GRAMD1B: variants seen among roughly 807,000 people sequenced by gnomAD.
The protein encoded by GRAMD1B is GRAM domain containing 1B, also known as protein Aster-B.
In GRAMD1B, 37 loss-of-function variants were observed where a neutral mutation model predicts 99.7. The ratio of observed to expected loss-of-function variants is 0.37; its 90% CI spans 0.29 to 0.49. GRAMD1B has a LOEUF of 0.49. Among genes scored for constraint, GRAMD1B ranks in the 20% least tolerant of loss-of-function variants. GRAMD1B has a pLI of 0.98. For missense variants in GRAMD1B, 888 were observed against 1,009.2 expected, an observed-to-expected ratio of 0.88 and a Z score of 1.63; for synonymous variants, 427 against 387.6, an observed-to-expected ratio of 1.10 and a Z score of -1.19.
chr11:123,578,219 G>A (rs982527303), intron 3 of GRAMD1B, among the ~76,000 whole-genome samples: 1 of 152,132 alleles, frequency 6.6e-6, no homozygotes, highest in Non-Finnish European at 1.5e-5. Flanking sequence ...AGCAGGAGAT[G>A]TCTTTGCCCA....
At chr11:123,522,561 C>T (rs893333764) in intron 2 of GRAMD1B, among the ~76,000 whole-genome samples, 1 of 152,132 alleles carries the variant, frequency 6.6e-6, no homozygotes, top group African/African-American at 2.4e-5. Context: ...TCAGGTGATC[C>T]ACCCATCTCG....
chr11:123,594,974 A>G, intron 6 of GRAMD1B, 136 bp downstream of exon 6: 1 of 634,934 alleles, frequency 1.6e-6, no homozygotes, highest in South Asian at 1.9e-5. Flanking sequence ...CTGAGTCTTG[A>G]AAGATATTCA....
At chr11:123,601,015 A>G (rs1307746209) in intron 8 of GRAMD1B, among the ~76,000 whole-genome samples, 1 of 152,138 alleles carries the variant, frequency 6.6e-6, no homozygotes, top group African/African-American at 2.4e-5. Flanking sequence ...GCTAGTTTGA[A>G]TAATTTTGGC....
intron 17 of GRAMD1B, among the ~76,000 whole-genome samples, chr11:123,617,058 A>C (rs1954510470): frequency 6.6e-6 from 1 of 152,140 alleles, no homozygotes; most frequent in South Asian, 2.1e-4. Flanking sequence ...GATGACACAC[A>C]CGGTACCACT....
intron 4 of GRAMD1B, among the ~76,000 whole-genome samples, chr11:123,585,215 A>T (rs1351681353): frequency 6.6e-6 from 1 of 152,156 alleles, no homozygotes; most frequent in Admixed American, 6.5e-5. Context: ...ATGGGCATGG[A>T]GTAGCTGTGG....
intron 2 of GRAMD1B, among the ~76,000 whole-genome samples, chr11:123,513,597 C>CTTTCTTTCTTTCTTTCTTTCTTT (rs1941322558): frequency 2.2e-5 from 1 of 45,056 alleles, no homozygotes; most frequent in African/African-American, 7.8e-5. Flanking sequence ...TTCCTTCCTT[C>CTTTCTTTCTTTCTTTCTTTCTTT]CTTCCTTCCT....
At chr11:123,456,248 C>T (rs1224300121) in intron 1 of GRAMD1B, among the ~76,000 whole-genome samples, 1 of 152,156 alleles carries the variant, frequency 6.6e-6, no homozygotes, top group Non-Finnish European at 1.5e-5. Flanking sequence ...CAACTGTTAA[C>T]AGTTATCCTT....
At chr11:123,475,961 A>G (rs1416644322) in intron 1 of GRAMD1B, among the ~76,000 whole-genome samples, 1 of 151,376 alleles carries the variant, frequency 6.6e-6, no homozygotes. Context: ...GGCCTATATC[A>G]TTGAAAAAGG....
chr11:123,439,340 G>A (rs1949304276), intron 1 of GRAMD1B, among the ~76,000 whole-genome samples: 1 of 152,172 alleles, frequency 6.6e-6, no homozygotes, highest in Non-Finnish European at 1.5e-5. Context: ...GCAGTAGCCA[G>A]CCACTCCCTG....
intron 1 of GRAMD1B, among the ~76,000 whole-genome samples, chr11:123,368,528 A>T (rs1395120728): frequency 6.6e-6 from 1 of 151,322 alleles, no homozygotes; most frequent in Admixed American, 6.6e-5. Flanking sequence ...AAAAATACAA[A>T]CATTAGCTGG....
rs148676109 is a variant in GRAMD1B, at chr11:123,612,892, T to A, written c.2023+28T>A. ...GAGCACTGCAATCCTTGCTGCTAGCTGGGCTGCAGAGATGGTAAACTGCAC... is the reference window on the plus strand; with the variant it reads ...GAGCACTGCAATCCTTGCTGCTAGCAGGGCTGCAGAGATGGTAAACTGCAC... On this transcript the variant is annotated intron_variant, in intron 15 of 19. Transcript: ENST00000635736. 3.1e-5 allele frequency: 40 copies of A among 1,308,432 alleles called. No homozygotes were observed. In the African/African-American group the frequency reaches 4.6e-4, roughly 15 times the overall value. The allele number at this position is 1,308,432 out of a possible 1,614,324, so 81.1% of individuals were successfully genotyped here.
At chr11:123,529,558 G>A (rs967184120) in intron 2 of GRAMD1B, among the ~76,000 whole-genome samples, 1 of 152,202 alleles carries the variant, frequency 6.6e-6, no homozygotes, top group Non-Finnish European at 1.5e-5. Context: ...GCAAGGTAAG[G>A]GCAGTGGTGG....
chr11:123,491,231 C>T (rs1938526139), intron 2 of GRAMD1B, among the ~76,000 whole-genome samples: 1 of 152,114 alleles, frequency 6.6e-6, no homozygotes, highest in African/African-American at 2.4e-5. Context: ...ATCATCACTG[C>T]CAACTCAGGT....
intron 1 of GRAMD1B, among the ~76,000 whole-genome samples, chr11:123,360,399 T>C (rs1946098497): frequency 6.6e-6 from 1 of 152,230 alleles, no homozygotes; most frequent in South Asian, 2.1e-4. Context: ...GCTCTTTCCT[T>C]TGGCGTATTT....
intron 1 of GRAMD1B, among the ~76,000 whole-genome samples, chr11:123,390,038 T>G (rs1184100992): frequency 6.6e-6 from 1 of 151,888 alleles, no homozygotes; most frequent in Non-Finnish European, 1.5e-5. Flanking sequence ...ATTACAGGTG[T>G]GAGCCACTGC....
chr11:123,625,244 A>T lies in GRAMD1B; in HGVS notation c.*2649A>T, dbSNP rs1441978568. ...TTGCTGTCTACAAGGGAGCATCAAA[A>T]CATCACTACTTCTTATGTAACTTCT... On this transcript the variant is annotated 3_prime_UTR_variant, in exon 20 of 20. Transcript: ENST00000635736. 1.3e-5 allele frequency: 2 copies of T among 152,228 alleles called. No individual in the cohort carries two copies. The highest frequency in any genetic ancestry group is 2.9e-5 in the Non-Finnish European group (2 of 68,040). The allele number at this position is 152,228 out of a possible 1,614,324, so 9.4% of individuals were successfully genotyped here. A position where few individuals can be genotyped will look rare whatever the true frequency, so the allele number is the denominator to read the frequency against.
rs573277745 is a variant in GRAMD1B at position 123,623,149 on chromosome 11, C to G, written c.*554C>G. 2.0e-5 allele frequency: 3 copies of G among 152,120 alleles called. No homozygotes were observed. The highest frequency in any genetic ancestry group is 7.2e-5 in the African/African-American group (3 of 41,422). The allele number at this position is 152,120 out of a possible 1,614,324, so 9.4% of individuals were successfully genotyped here. Reference sequence around the variant, plus strand: ...GGTTGGCCGCCCACTTGATCCAGACCGTACTGAGTGTCAGATGGAGAGGAT... The same window carrying G: ...GGTTGGCCGCCCACTTGATCCAGACGGTACTGAGTGTCAGATGGAGAGGAT... On this transcript the variant is annotated 3_prime_UTR_variant, in exon 20 of 20. Coordinates refer to ENST00000635736, the MANE Select transcript of GRAMD1B (RefSeq NM_001387025.1).
intron 7 of GRAMD1B, 47 bp from the exon 8 acceptor site, chr11:123,600,421 T>C (rs774231699): frequency 2.5e-6 from 3 of 1,210,494 alleles, no homozygotes; most frequent in South Asian, 1.3e-5. Flanking sequence ...CTCTTAATTA[T>C]ATTGTAACTC....
At chr11:123,513,365 A>G (rs1941231515) in intron 2 of GRAMD1B, among the ~76,000 whole-genome samples, 1 of 150,896 alleles carries the variant, frequency 6.6e-6, no homozygotes, top group Admixed American at 6.6e-5. Context: ...AGTCCACTGC[A>G]TTGTCATAGT....
Sources: gnomAD v4.1 joint callset for allele counts (sites outside exome capture counted in the v4.1 genomes callset) on GRCh38, gnomAD v4.1.1 for gene constraint, MANE v1.5 for transcripts, NCBI Gene and HGNC (gene_info 2026-07-23, HGNC 2026-07-21) for gene names.